The following FKBP5 variants were observed in gnomAD, a reference collection of about 807,000 sequenced individuals.
FKBP5 encodes peptidyl-prolyl cis-trans isomerase FKBP5.
A neutral mutation model predicts 50.5 loss-of-function variants in FKBP5; 23 were observed. That is an observed-to-expected ratio of 0.46 (90% CI 0.33 to 0.65). The LOEUF (loss-of-function observed/expected upper bound fraction) is 0.65. Among genes scored for constraint, FKBP5 ranks in the 30% least tolerant of loss-of-function variants. The probability of loss-of-function intolerance (pLI) is 0.02; values close to 1 mark genes in which losing one functional copy is unlikely to be tolerated. For synonymous variants in FKBP5, 176 were observed against 190.6 expected, an observed-to-expected ratio of 0.92 and a Z score of 0.63; for missense variants, 411 against 553.1, an observed-to-expected ratio of 0.74 and a Z score of 2.58.
intron 6 of FKBP5, among the ~76,000 whole-genome samples, chr6:35,596,535 A>G (rs1762987539): frequency 6.6e-6 from 1 of 152,166 alleles, no homozygotes; most frequent in Admixed American, 6.5e-5. Context: ...AGCCGGAGGG[A>G]GGATACACTA....
intron 1 of FKBP5, 50 bp downstream of exon 1, chr6:35,688,754 C>T (rs1186983053): frequency 1.3e-5 from 2 of 150,618 alleles, no homozygotes; most frequent in Non-Finnish European, 3.0e-5. Context: ...CGTTCGGCTC[C>T]CGGGGCGCCG....
intron 1 of FKBP5, among the ~76,000 whole-genome samples, chr6:35,663,282 A>G (rs934691712): frequency 6.6e-6 from 1 of 152,208 alleles, no homozygotes; most frequent in Non-Finnish European, 1.5e-5. Context: ...ATGTGATCCC[A>G]CTTGGCTAAA....
intron 6 of FKBP5, 65 bp from the exon 7 acceptor site, chr6:35,591,285 T>A: frequency 9.1e-7 from 1 of 1,094,544 alleles, no homozygotes; most frequent in Non-Finnish European, 1.4e-6. Context: ...CTTCCTTCAG[T>A]ATTTTGAGGC....
At chr6:35,600,357 G>A (rs1763107899) in intron 5 of FKBP5, among the ~76,000 whole-genome samples, 1 of 151,954 alleles carries the variant, frequency 6.6e-6, no homozygotes, top group Non-Finnish European at 1.5e-5. Context: ...GTTCCAGGCT[G>A]CAGTGAGTTG....
chr6:35,711,908 G>A (rs1181542498), intron 2 of FKBP5, among the ~76,000 whole-genome samples: 1 of 151,516 alleles, frequency 6.6e-6, no homozygotes, highest in Non-Finnish European at 1.5e-5. Flanking sequence ...AGACAGTCTC[G>A]CTCTATCGCC....
chr6:35,613,618 G>A (rs1035583036), intron 5 of FKBP5, among the ~76,000 whole-genome samples: 3 of 152,192 alleles, frequency 2.0e-5, no homozygotes, highest in East Asian at 3.8e-4. Flanking sequence ...AAAGAACAAG[G>A]TGATCTTGGT....
chr6:35,617,893 A>G (rs977386237), intron 5 of FKBP5, among the ~76,000 whole-genome samples: 6 of 152,228 alleles, frequency 3.9e-5, no homozygotes, highest in African/African-American at 1.2e-4. Flanking sequence ...ACTCCCACTT[A>G]GCAAATGAAG....
At chr6:35,588,447 C>T (rs1262610835) in intron 7 of FKBP5, among the ~76,000 whole-genome samples, 2 of 152,128 alleles carry the variant, frequency 1.3e-5, no homozygotes, top group African/African-American at 4.8e-5. Context: ...CAGGTTTTAG[C>T]ACCCAAAAAA....
intron 1 of FKBP5, among the ~76,000 whole-genome samples, chr6:35,671,247 G>A (rs1253559838): frequency 6.7e-6 from 1 of 150,342 alleles, no homozygotes; most frequent in Admixed American, 6.6e-5. Flanking sequence ...CTGGGTAAGA[G>A]AGTGCAATCC....
At chr6:35,601,613 C>G (rs917774088) in intron 5 of FKBP5, among the ~76,000 whole-genome samples, 22 of 152,194 alleles carry the variant, frequency 1.4e-4, no homozygotes, top group African/African-American at 5.1e-4. Flanking sequence ...GCAGCTCTGG[C>G]TGTGGAAGCC....
intron 8 of FKBP5, chr6:35,583,154 GAA>G (rs1762492172): frequency 1.0e-6 from 1 of 985,304 alleles, no homozygotes; most frequent in African/African-American, 1.7e-5. Flanking sequence ...GGGTGGAAAT[GAA>G]AAGTGTTGTT....
In FKBP5 at chr6:35,704,868, G is replaced by A. The variant is rs150603406; in HGVS notation, c.-20+15460C>T. On this transcript the variant is annotated intron_variant, in intron 2 of 11. Transcript: ENST00000536438. The stretch of plus-strand genomic sequence containing the variant: ...AACCATTTGATTCTGCTGGCCGGGC[G>A]CGGTGGCTCACACCTGTAATCCCAG... Among the ~76,000 whole-genome samples the A allele has an allele frequency of 2.9e-3, 434 of 152,022 alleles. 3 individuals are homozygous for A. Among genetic ancestry groups the A allele is most frequent in the African/African-American group, 9.1e-3 (378 of 41,484 alleles).
chr6:35,675,394 A>AC (rs879811876), intron 1 of FKBP5, among the ~76,000 whole-genome samples: 2 of 152,120 alleles, frequency 1.3e-5, no homozygotes, highest in Non-Finnish European at 2.9e-5. Flanking sequence ...ACATGGTGAA[A>AC]CCCCGTCTCT....
intron 3 of FKBP5, among the ~76,000 whole-genome samples, chr6:35,631,757 C>T (rs1293311872): frequency 6.6e-6 from 1 of 151,946 alleles, no homozygotes; most frequent in Non-Finnish European, 1.5e-5. Flanking sequence ...GAGATCAAGA[C>T]CATCCTGGCC....
At chr6:35,673,220 ACATAC>A (rs1765436228) in intron 1 of FKBP5, among the ~76,000 whole-genome samples, 1 of 152,180 alleles carries the variant, frequency 6.6e-6, no homozygotes, top group Non-Finnish European at 1.5e-5. Context: ...TGAATACATA[ACATAC>A]CATTATGTGT....
intron 4 of FKBP5, among the ~76,000 whole-genome samples, chr6:35,619,586 G>A (rs1232504450): frequency 6.6e-6 from 1 of 152,184 alleles, no homozygotes; most frequent in East Asian, 1.9e-4. Flanking sequence ...TTCTCAAAAT[G>A]TAAGAATAAA....
At chr6:35,690,526 G>A (rs1038693995), upstream of FKBP5, among the ~76,000 whole-genome samples, 5 of 151,496 alleles carry the variant, frequency 3.3e-5, no homozygotes, top group African/African-American at 7.3e-5. Flanking sequence ...GACTGAAACC[G>A]CCTCGAGGGC....
At chr6:35,581,276 TATATATATA>T (rs1762420412) in intron 8 of FKBP5, 3 of 418,578 alleles carry the variant, frequency 7.2e-6, no homozygotes, top group East Asian at 1.6e-4. Flanking sequence ...ACATATATAA[TATATATATA>T]ATATATATAT....
intron 1 of FKBP5, among the ~76,000 whole-genome samples, chr6:35,678,099 A>C (rs1765572744): frequency 6.6e-6 from 1 of 152,222 alleles, no homozygotes; most frequent in African/African-American, 2.4e-5. Context: ...AAAGGACAAA[A>C]AGATAAAGAG....
Sources: gnomAD v4.1 joint callset for allele counts (sites outside exome capture counted in the v4.1 genomes callset) on GRCh38, gnomAD v4.1.1 for gene constraint, MANE v1.5 for transcripts, NCBI Gene and HGNC (gene_info 2026-07-23, HGNC 2026-07-21) for gene names.